SLC2A9: variants seen among roughly 807,000 people sequenced by gnomAD.
SLC2A9 encodes the protein solute carrier family 2, facilitated glucose transporter member 9.
In SLC2A9, 39 loss-of-function variants were observed where a neutral mutation model predicts 50.6. That is an observed-to-expected ratio of 0.77 (90% CI 0.60 to 1.01). The LOEUF (loss-of-function observed/expected upper bound fraction) is 1.01, where lower values mean the gene tolerates loss of function less well. SLC2A9 is among the 50% of genes least tolerant of loss of function. The pLI is 0.00. For synonymous variants in SLC2A9, 324 were observed against 276.9 expected (o/e 1.17, Z -1.69); for missense variants, 686 against 677.6 (o/e 1.01, Z -0.14).
intron 5 of SLC2A9, among the ~76,000 whole-genome samples, chr4:9,968,117 C>A (rs1041135648): frequency 6.6e-6 from 1 of 152,096 alleles, no homozygotes; most frequent in Admixed American, 6.6e-5. Context: ...AAATTTTCAG[C>A]CACTTTCTAA....
At chr4:9,900,660 C>T (rs576692986) in intron 8 of SLC2A9, among the ~76,000 whole-genome samples, 1 of 152,036 alleles carries the variant, frequency 6.6e-6, no homozygotes, top group Non-Finnish European at 1.5e-5. Flanking sequence ...AAAGAACTGC[C>T]GAAGACTGGG....
chr4:9,803,432 A>G (rs1217717512), intron 3 of SLC2A9, among the ~76,000 whole-genome samples: 1 of 152,242 alleles, frequency 6.6e-6, no homozygotes, highest in African/African-American at 2.4e-5. Context: ...TGCTTAACAT[A>G]GGCAATATTC....
chr4:9,881,338 G>A (rs1033965772), intron 10 of SLC2A9, among the ~76,000 whole-genome samples: 1 of 152,164 alleles, frequency 6.6e-6, no homozygotes, highest in Non-Finnish European at 1.5e-5. Flanking sequence ...CCAGGTGACT[G>A]AGCAATGTTT....
At chr4:9,803,502 C>A (rs1253247700) in intron 3 of SLC2A9, among the ~76,000 whole-genome samples, 1 of 152,122 alleles carries the variant, frequency 6.6e-6, no homozygotes, top group African/African-American at 2.4e-5. Context: ...TCTTAAGGTC[C>A]CAAAGCCAGT....
chr4:9,830,627 G>T (rs1248930504), intron 11 of SLC2A9, among the ~76,000 whole-genome samples: 2 of 152,188 alleles, frequency 1.3e-5, no homozygotes, highest in African/African-American at 2.4e-5. Context: ...AGGTTGAAAA[G>T]AATAATTTGC....
chr4:9,988,107 T>C (rs1244575652), intron 3 of SLC2A9, among the ~76,000 whole-genome samples: 1 of 152,212 alleles, frequency 6.6e-6, no homozygotes. Context: ...GGGACAAGTG[T>C]GAAAGCAGGG....
intron 5 of SLC2A9, among the ~76,000 whole-genome samples, chr4:9,945,556 T>C (rs1312178284): frequency 6.6e-6 from 1 of 152,136 alleles, no homozygotes; most frequent in Non-Finnish European, 1.5e-5. Flanking sequence ...CACAACTCGG[T>C]CATAGAGGCA....
intron 1 of SLC2A9, chr4:10,034,942 A>G (rs1764050639): frequency 6.6e-6 from 1 of 152,236 alleles, no homozygotes; most frequent in Admixed American, 6.5e-5. Flanking sequence ...GGGTCAGGAA[A>G]GCTCCAGTGT....
intron 3 of SLC2A9, among the ~76,000 whole-genome samples, chr4:9,811,772 G>GAT (rs906653034): frequency 6.6e-6 from 1 of 152,142 alleles, no homozygotes; most frequent in African/African-American, 2.4e-5. Flanking sequence ...ATAGATAACT[G>GAT]ATACATTGGG....
At chr4:9,860,357 T>C (rs1315917889) in intron 10 of SLC2A9, among the ~76,000 whole-genome samples, 2 of 152,188 alleles carry the variant, frequency 1.3e-5, no homozygotes, top group South Asian at 2.1e-4. Context: ...TATGGATTCA[T>C]GAGTGGTGAA....
chr4:9,999,293 C>T (rs957834511), intron 2 of SLC2A9, among the ~76,000 whole-genome samples: 3 of 152,066 alleles, frequency 2.0e-5, no homozygotes, highest in African/African-American at 7.3e-5. Flanking sequence ...AACTCCTGGG[C>T]TCATGCGATC....
At chr4:9,982,841 C>T (rs934527669) in intron 4 of SLC2A9, among the ~76,000 whole-genome samples, 11 of 152,226 alleles carry the variant, frequency 7.2e-5, no homozygotes, top group African/African-American at 2.4e-4. Context: ...TACTTCAATA[C>T]GTAGAACATC....
chr4:9,982,499 G>T (rs1756049860), intron 4 of SLC2A9, among the ~76,000 whole-genome samples: 2 of 152,080 alleles, frequency 1.3e-5, no homozygotes, highest in African/African-American at 4.8e-5. Flanking sequence ...GGTCCATCTT[G>T]GAATGCAGCT....
At chr4:9,875,680 G>C (rs1367829052) in intron 10 of SLC2A9, among the ~76,000 whole-genome samples, 1 of 152,156 alleles carries the variant, frequency 6.6e-6, no homozygotes, top group Non-Finnish European at 1.5e-5. Context: ...TCCAGGTAAA[G>C]CTCTTAACCG....
Position 9,955,319 on chromosome 4 carries a change from C to T in SLC2A9, c.682-13274G>A, listed in dbSNP as rs1751039983. Among the ~76,000 whole-genome samples the T allele has an allele frequency of 4.7e-5, 5 of 105,322 alleles. 2 individuals are homozygous for T. The highest frequency in any genetic ancestry group is 9.4e-5 in the Non-Finnish European group (5 of 53,074). 69.1% of individuals were successfully genotyped at this position (105,322 alleles called of 152,430 possible). On this transcript the variant is annotated intron_variant, in intron 5 of 11. Transcript: ENST00000264784. ...CATCCTGGCTAACACGGTGAAACCCCGTCTCTACTAAAAATACAAAAAAAA... is the reference window on the plus strand; with the variant it reads ...CATCCTGGCTAACACGGTGAAACCCTGTCTCTACTAAAAATACAAAAAAAA...
At position 9,996,953 on chromosome 4, in the gene SLC2A9, C is replaced by A; in HGVS notation, c.250-12G>T. Reference sequence around the variant, plus strand: ...AAGGCCTTGATGTACTGAAAATAAACAACAAACCATGTTATTTCCTTCTGT... The same window carrying A: ...AAGGCCTTGATGTACTGAAAATAAAAAACAAACCATGTTATTTCCTTCTGT... On this transcript the variant is annotated splice_polypyrimidine_tract_variant and intron_variant, in intron 2 of 11. Transcript: ENST00000264784. 1.2e-6 allele frequency: 2 copies of A among 1,613,584 alleles called. No homozygotes were observed. Among genetic ancestry groups the A allele is most frequent in the South Asian group, 1.1e-5 (1 of 91,038 alleles).
At chr4:9,811,532 C>T (rs755872045) in intron 3 of SLC2A9, among the ~76,000 whole-genome samples, 1 of 152,110 alleles carries the variant, frequency 6.6e-6, no homozygotes, top group African/African-American at 2.4e-5. Context: ...GACATCCCAG[C>T]CATTCTAGCC....
intron 2 of SLC2A9, among the ~76,000 whole-genome samples, chr4:10,009,275 G>A (rs1419320363): frequency 6.6e-6 from 1 of 152,202 alleles, no homozygotes; most frequent in Non-Finnish European, 1.5e-5. Flanking sequence ...GAGCGCCTGG[G>A]TTCCCAGAGC....
chr4:9,961,635 C>T (rs920110542), intron 5 of SLC2A9, among the ~76,000 whole-genome samples: 2 of 152,084 alleles, frequency 1.3e-5, no homozygotes, highest in African/African-American at 4.8e-5. Context: ...TAGGGAATAC[C>T]ATTCAGGACA....
Sources: gnomAD v4.1 joint callset for allele counts (sites outside exome capture counted in the v4.1 genomes callset) on GRCh38, gnomAD v4.1.1 for gene constraint, MANE v1.5 for transcripts, NCBI Gene and HGNC (gene_info 2026-07-23, HGNC 2026-07-21) for gene names.